COL28A1: variants seen among roughly 807,000 people sequenced by gnomAD.
COL28A1 encodes the protein collagen type XXVIII alpha 1 chain, also known as collagen alpha-1(XXVIII) chain.
In COL28A1, 161 loss-of-function variants were observed where a neutral mutation model predicts 150.2. The observed-to-expected ratio is 1.07, with a 90% CI of 0.94 to 1.22. COL28A1 has a LOEUF of 1.22. Among genes scored for constraint, COL28A1 ranks in the 50% most tolerant of loss-of-function variants. COL28A1 has a pLI of 0.00. For missense variants in COL28A1, 1,617 were observed against 1,388.3 expected, an observed-to-expected ratio of 1.16 and a Z score of -2.62; for synonymous variants, 552 against 469.7, an observed-to-expected ratio of 1.18 and a Z score of -2.26.
intron 11 of COL28A1, among the ~76,000 whole-genome samples, chr7:7,497,650 A>G (rs1780293747): frequency 6.6e-6 from 1 of 152,230 alleles, no homozygotes; most frequent in African/African-American, 2.4e-5. Flanking sequence ...GAAAAATACA[A>G]AAGTCATATA....
At chr7:7,346,148 T>C in the COL28A1 span, among the ~76,000 whole-genome samples, 3 of 152,096 alleles carry the variant, frequency 2.0e-5, no homozygotes, top group African/African-American at 7.2e-5. Flanking sequence ...AGTGTTCTAC[T>C]ATTTGCTCTA....
chr7:7,455,931 T>C, intron 16 of COL28A1, 113 bp downstream of exon 16: 1 of 1,396,066 alleles, frequency 7.2e-7, no homozygotes, highest in Non-Finnish European at 9.6e-7. Flanking sequence ...TATACTCCAC[T>C]GCAATTAACT....
In COL28A1 at chr7:7,517,538, A is replaced by C. The variant is rs375131754; in HGVS notation, c.855+258T>G. Among the ~76,000 whole-genome samples the C allele has an allele frequency of 1.3e-4, 20 of 152,308 alleles. No homozygotes were observed. In the East Asian group the frequency reaches 2.1e-3, roughly 16 times the overall value. On this transcript the variant is annotated intron_variant, in intron 7 of 34. Transcript: ENST00000399429. ...AACAGTTTTCTCATTGGAGCCTTTC[A>C]CCAATGTCAAATTAAGCATCAGAGA...
At chr7:7,382,380 A>G (rs1346552547) in intron 27 of COL28A1, among the ~76,000 whole-genome samples, 1 of 152,096 alleles carries the variant, frequency 6.6e-6, no homozygotes, top group Non-Finnish European at 1.5e-5. Context: ...ATCCATCCAC[A>G]ATTAATGCCA....
At chr7:7,437,014 G>C (rs780221818) in intron 22 of COL28A1, among the ~76,000 whole-genome samples, 13 of 152,188 alleles carry the variant, frequency 8.5e-5, no homozygotes, top group Non-Finnish European at 1.6e-4. Context: ...CTCCAGCCTA[G>C]GGGAAAGAGT....
intron 11 of COL28A1, among the ~76,000 whole-genome samples, chr7:7,498,421 C>T (rs1280354548): frequency 3.3e-5 from 5 of 152,146 alleles, no homozygotes; most frequent in East Asian, 3.9e-4. Flanking sequence ...TATATGACAG[C>T]GTGATAATGT....
intron 14 of COL28A1, among the ~76,000 whole-genome samples, chr7:7,475,555 TATG>T (rs1400762534): frequency 1.3e-5 from 2 of 152,238 alleles, no homozygotes; most frequent in African/African-American, 4.8e-5. Context: ...ATCAATAAAG[TATG>T]ATAATACCTC....
chr7:7,503,592 T>A (rs184962519), intron 11 of COL28A1, among the ~76,000 whole-genome samples: 41 of 152,352 alleles, frequency 2.7e-4, no homozygotes, highest in Admixed American at 2.7e-3. Flanking sequence ...TAGCTTATTA[T>A]GTCTTCAAAG....
chr7:7,373,210 G>A lies in COL28A1; in HGVS notation c.2696C>T (p.Ala899Val), dbSNP rs1781329405. ...TGTCTGTCCATCAGTGATGACCAAG[G>A]CCACTTTTTTTACACCTGGCCTTGC... is the stretch of plus-strand genomic sequence containing the variant. ...EDARPGVKKV[A>V]LVITDGQTDS... The change falls in exon 32 of 35, where the codon GCC becomes GTC. Residue 899 changes from alanine (A) to valine (V), a missense_variant. Coordinates refer to ENST00000399429, the MANE Select transcript of COL28A1 (RefSeq NM_001037763.3). The surrounding 1 kb of genome is among the most constrained non-coding windows in gnomAD (Gnocchi z 4.1). 6.2e-7 allele frequency: 1 copy of A among 1,614,038 alleles called. No homozygotes were observed. Among genetic ancestry groups the A allele is most frequent in the Non-Finnish European group, 8.5e-7 (1 of 1,179,978 alleles).
intron 18 of COL28A1, among the ~76,000 whole-genome samples, chr7:7,451,865 ATTC>A (rs1434955537): frequency 9.2e-5 from 14 of 152,290 alleles, no homozygotes; most frequent in South Asian, 2.1e-4. Context: ...CATCTTATAT[ATTC>A]TTCTAATACT....
At chr7:7,475,390 C>G (rs1165608037) in intron 14 of COL28A1, among the ~76,000 whole-genome samples, 1 of 152,098 alleles carries the variant, frequency 6.6e-6, no homozygotes, top group Non-Finnish European at 1.5e-5. Context: ...ATTGGTCTGA[C>G]TAGTTGGGGA....
At chr7:7,352,332 G>C (rs1309971137), downstream of COL28A1, among the ~76,000 whole-genome samples, 1 of 152,178 alleles carries the variant, frequency 6.6e-6, no homozygotes, top group African/African-American at 2.4e-5. Context: ...TGTTGTGGCA[G>C]ATTGAATAAT....
chr7:7,531,300 T>C lies in COL28A1; in HGVS notation c.681+48A>G, dbSNP rs141290822. On this transcript the variant is annotated intron_variant, in intron 3 of 34. Transcript: ENST00000399429. ...CTTCTTATGGGATTTACAACAAATA[T>C]GTCAATATTATGATGATAACTGTAT... 1.6e-5 allele frequency: 12 copies of C among 752,898 alleles called. No homozygotes were observed. The Middle Eastern group carries it at 7.3e-4, about 46-fold the overall frequency. 46.6% of individuals were successfully genotyped at this position (752,898 alleles called of 1,614,324 possible).
At chr7:7,339,704 A>T in the COL28A1 span, among the ~76,000 whole-genome samples, 1 of 152,174 alleles carries the variant, frequency 6.6e-6, no homozygotes, top group Non-Finnish European at 1.5e-5. Context: ...AAGGCACATT[A>T]TTTAATGACC....
chr7:7,374,038 A>AAAAAAAAAAAAAATAT, intron 31 of COL28A1, among the ~76,000 whole-genome samples: 4 of 113,658 alleles, frequency 3.5e-5, no homozygotes, highest in African/African-American at 1.5e-4. Context: ...AAAAAAAAAA[A>AAAAAAAAAAAAAATAT]ATATATATAT....
At chr7:7,476,096 T>C (rs1401945813) in intron 14 of COL28A1, among the ~76,000 whole-genome samples, 1 of 152,174 alleles carries the variant, frequency 6.6e-6, no homozygotes, top group Non-Finnish European at 1.5e-5. Context: ...CATGAGGCCA[T>C]ACTGAGAAGG....
At chr7:7,442,120 A>G (rs886085618) in intron 20 of COL28A1, among the ~76,000 whole-genome samples, 1 of 152,200 alleles carries the variant, frequency 6.6e-6, no homozygotes, top group Non-Finnish European at 1.5e-5. Context: ...CTCTTCTCCA[A>G]TAGGCTTTCA....
Position 7,531,541 on chromosome 7 carries a change from A to G in COL28A1, c.488T>C (p.Ile163Thr). 3 of 1,611,136 alleles carry G rather than the reference A, an allele frequency of 1.9e-6. No individual in the cohort carries two copies. Among genetic ancestry groups the G allele is most frequent in the Non-Finnish European group, 2.5e-6 (3 of 1,177,454 alleles). ...VKVVLLMTDG[I>T]DHPKNPDVQS... is the part of the protein sequence containing the mutation. ...AACATCTGGATTCTTTGGATGGTCG[A>G]TGCCATCAGTCATCAGCAAAACCAC... The change falls in exon 3 of 35, where the codon ATC becomes ACC. Residue 163 changes from isoleucine to threonine, a missense_variant. By Grantham distance (89) the Ile-to-Thr change is moderately conservative. Transcript: ENST00000399429.
chr7:7,443,776 T>C, intron 19 of COL28A1, 123 bp from the exon 20 acceptor site: 1 of 1,336,360 alleles, frequency 7.5e-7, no homozygotes, highest in Non-Finnish European at 9.9e-7. Context: ...ACACCATACC[T>C]TCACTCTAGT....
Sources: gnomAD v4.1 joint callset for allele counts (sites outside exome capture counted in the v4.1 genomes callset) on GRCh38, gnomAD v4.1.1 for gene constraint, Gnocchi (gnomAD v3.1) non-coding constraint, MANE v1.5 for transcripts, NCBI Gene and HGNC (gene_info 2026-07-23, HGNC 2026-07-21) for gene names.